SSBP3: variants seen among roughly 807,000 people sequenced by gnomAD.
SSBP3 encodes single-stranded DNA-binding protein 3.
Under a neutral mutation model 69.6 loss-of-function variants are expected in SSBP3, and 5 were observed. The observed-to-expected ratio is 0.07, with a 90% CI of 0.04 to 0.15. The LOEUF is 0.15. SSBP3 is among the 10% of genes least tolerant of loss of function. The pLI is 1.00. For synonymous variants in SSBP3, 196 were observed against 193.4 expected, an observed-to-expected ratio of 1.01 and a Z score of -0.11; for missense variants, 312 against 534.0, an observed-to-expected ratio of 0.58 and a Z score of 4.10.
At chr1:54,324,383 C>T (rs969498802) in intron 4 of SSBP3, among the ~76,000 whole-genome samples, 3 of 152,216 alleles carry the variant, frequency 2.0e-5, no homozygotes, top group Non-Finnish European at 4.4e-5. Context: ...ATCGAGAAGC[C>T]GGCTGCATTC....
intron 4 of SSBP3, among the ~76,000 whole-genome samples, chr1:54,306,757 G>A: frequency 6.6e-6 from 1 of 152,068 alleles, no homozygotes; most frequent in East Asian, 1.9e-4. Flanking sequence ...AATTCCAGGA[G>A]TTCGAAACGA....
intron 4 of SSBP3, among the ~76,000 whole-genome samples, chr1:54,354,242 C>T (rs1296717278): frequency 6.6e-6 from 1 of 152,256 alleles, no homozygotes; most frequent in Non-Finnish European, 1.5e-5. Flanking sequence ...CCTCAAACTC[C>T]TACCCATCAA....
At chr1:54,288,829 T>C (rs774129957) in intron 4 of SSBP3, among the ~76,000 whole-genome samples, 7 of 151,786 alleles carry the variant, frequency 4.6e-5, no homozygotes, top group Non-Finnish European at 7.4e-5. Context: ...CCATCCTGGC[T>C]AACACGTGAA....
chr1:54,255,407 G>A (rs528233099), intron 7 of SSBP3, among the ~76,000 whole-genome samples: 49 of 152,328 alleles, frequency 3.2e-4, no homozygotes, highest in South Asian at 2.1e-3. Flanking sequence ...TGGGAAGGCT[G>A]CTGCTGGCGC....
Position 54,341,864 on chromosome 1 carries a change from G to C in SSBP3, c.276+59997C>G, listed in dbSNP as rs554389841. ...ACCTGGAGAGCAGGGAGAGAGAGAGGGGGAGAGAAGCACCTTCCACGCAGA... is the reference window on the plus strand; with the variant it reads ...ACCTGGAGAGCAGGGAGAGAGAGAGCGGGAGAGAAGCACCTTCCACGCAGA... On this transcript the variant is annotated intron_variant, in intron 4 of 17. Transcript: ENST00000610401. Among the ~76,000 whole-genome samples the C allele has an allele frequency of 2.2e-3, 329 of 150,398 alleles. 4 individuals are homozygous for C. The highest frequency in any genetic ancestry group is 7.9e-3 in the African/African-American group (315 of 39,832).
intron 9 of SSBP3, 46 bp downstream of exon 9, chr1:54,251,570 C>T: frequency 6.5e-7 from 1 of 1,534,314 alleles, no homozygotes. Flanking sequence ...AAGGCGGGTG[C>T]ACACAGATGG....
chr1:54,378,701 G>A (rs1030609541), intron 4 of SSBP3, among the ~76,000 whole-genome samples: 2 of 152,194 alleles, frequency 1.3e-5, no homozygotes, highest in African/African-American at 4.8e-5. Flanking sequence ...CTGTTGTTTC[G>A]AGGGGAGTGA....
At chr1:54,257,957 G>T in intron 6 of SSBP3, 112 bp downstream of exon 6, 2 of 983,362 alleles carry the variant, frequency 2.0e-6, no homozygotes, top group Non-Finnish European at 2.9e-6. Context: ...TGTCAATAAA[G>T]ACTCGCAGGC....
intron 4 of SSBP3, among the ~76,000 whole-genome samples, chr1:54,343,180 C>A (rs1569873926): frequency 6.6e-6 from 1 of 152,184 alleles, no homozygotes; most frequent in African/African-American, 2.4e-5. Context: ...TGCCGCTTTT[C>A]ATATTGCTAC....
intron 4 of SSBP3, among the ~76,000 whole-genome samples, chr1:54,296,295 T>C (rs758215211): frequency 2.0e-5 from 3 of 152,270 alleles, no homozygotes; most frequent in Non-Finnish European, 4.4e-5. Context: ...ATGTGAATGC[T>C]GGTTCCGTTC....
At chr1:54,390,853 G>C (rs1455426491) in intron 4 of SSBP3, among the ~76,000 whole-genome samples, 1 of 152,180 alleles carries the variant, frequency 6.6e-6, no homozygotes, top group Non-Finnish European at 1.5e-5. Context: ...CCAAGAGGAA[G>C]AGCCTCCAGA....
intron 4 of SSBP3, among the ~76,000 whole-genome samples, chr1:54,385,805 G>A (rs1648038112): frequency 6.6e-6 from 1 of 152,176 alleles, no homozygotes; most frequent in African/African-American, 2.4e-5. Context: ...GAGGCTCAGA[G>A]GTTAATCAAC....
At chr1:54,261,959 G>A (rs1645023971) in intron 5 of SSBP3, among the ~76,000 whole-genome samples, 1 of 152,142 alleles carries the variant, frequency 6.6e-6, no homozygotes, top group Non-Finnish European at 1.5e-5. Context: ...CATGACAGAG[G>A]TGTGACCTCT....
chr1:54,345,893 G>T (rs1290988383), intron 4 of SSBP3, among the ~76,000 whole-genome samples: 1 of 151,644 alleles, frequency 6.6e-6, no homozygotes, highest in Non-Finnish European at 1.5e-5. Flanking sequence ...TGTAATTCCA[G>T]CACTTTGGGA....
chr1:54,259,446 C>T (rs533057216), intron 5 of SSBP3, among the ~76,000 whole-genome samples: 3 of 152,308 alleles, frequency 2.0e-5, no homozygotes, highest in Admixed American at 2.0e-4. Flanking sequence ...AGGGCTGCCT[C>T]GGAAGCACGT....
At chr1:54,271,567 T>A (rs891327576) in intron 5 of SSBP3, among the ~76,000 whole-genome samples, 5 of 151,890 alleles carry the variant, frequency 3.3e-5, no homozygotes, top group African/African-American at 1.2e-4. Context: ...TGCAGGGCCA[T>A]CGTGCTCCAA....
intron 4 of SSBP3, among the ~76,000 whole-genome samples, chr1:54,383,541 G>C (rs1647842841): frequency 6.6e-6 from 1 of 152,160 alleles, no homozygotes; most frequent in African/African-American, 2.4e-5. Context: ...CTGGAATCTT[G>C]TTTATCCTTG....
chr1:54,378,350 G>A (rs535746268), intron 4 of SSBP3, among the ~76,000 whole-genome samples: 1 of 152,206 alleles, frequency 6.6e-6, no homozygotes, highest in Admixed American at 6.5e-5. Context: ...CTACCCAGAG[G>A]TGTGGGTGGG....
At chr1:54,229,737 C>T (rs1644349990) in intron 14 of SSBP3, among the ~76,000 whole-genome samples, 1 of 152,188 alleles carries the variant, frequency 6.6e-6, no homozygotes, top group Non-Finnish European at 1.5e-5. Context: ...CAGACTGCAT[C>T]TGCATCGAGT....
Sources: allele counts gnomAD v4.1 joint callset (sites outside exome capture counted in the v4.1 genomes callset), GRCh38; gene constraint gnomAD v4.1.1; transcripts MANE v1.5; gene names NCBI Gene and HGNC (gene_info 2026-07-23, HGNC 2026-07-21).